PTCRA: variants seen among roughly 807,000 people sequenced by gnomAD.
PTCRA encodes pre T-cell antigen receptor alpha.
A neutral mutation model predicts 13.4 loss-of-function variants in PTCRA; 9 were observed. That is an observed-to-expected ratio of 0.67 (90% CI 0.41 to 1.18). The LOEUF is 1.18. PTCRA is among the 50% of genes most tolerant of loss of function. PTCRA has a pLI of 0.01. For missense variants in PTCRA, 353 were observed against 359.8 expected (o/e 0.98, Z 0.15); for synonymous variants, 153 against 161.9 (o/e 0.94, Z 0.42).
At chr6:42,924,969 TAAA>T (rs11343543) in intron 3 of PTCRA, among the ~76,000 whole-genome samples, 2 of 144,926 alleles carry the variant, frequency 1.4e-5, no homozygotes, top group Non-Finnish European at 1.5e-5. Flanking sequence ...AGACTCCATC[TAAA>T]AAAAAAAAAA....
intron 2 of PTCRA, 81 bp from the exon 3 acceptor site, chr6:42,924,148 G>C (rs1046796107): frequency 2.4e-6 from 3 of 1,270,868 alleles, no homozygotes; most frequent in African/African-American, 1.5e-5. Flanking sequence ...CCTGTGCCAG[G>C]GCCTGGGCAT....
At position 42,925,382 on chromosome 6, in the gene PTCRA, C is replaced by T. The variant is rs759156804; in HGVS notation, c.546C>T (p.Pro182=). Residue 182 remains proline, a synonymous_variant, in exon 4 of 4, where the codon CCC becomes CCT. Coordinates refer to ENST00000304672, the MANE Select transcript of PTCRA (RefSeq NM_138296.3). This position sits in a 1 kb window ranked among gnomAD's most constrained non-coding sequence, Gnocchi z 4.4. ...ACCCCGCGGGCCCGCTGCCTTCCCC[C>T]GCAACCACCACCCGCCTGCGAGCCC... is the stretch of plus-strand genomic sequence containing the variant. ...LCDPAGPLPS[P]ATTTRLRALG... is the part of the protein sequence containing the mutation. The T allele has an allele frequency of 1.2e-5, 19 of 1,554,988 alleles. No individual in the cohort carries two copies. Among genetic ancestry groups the T allele is most frequent in the African/African-American group, 4.1e-5 (3 of 73,292 alleles).
intron 1 of PTCRA, among the ~76,000 whole-genome samples, chr6:42,918,506 G>A (rs911979840): frequency 6.6e-6 from 1 of 152,004 alleles, no homozygotes; most frequent in African/African-American, 2.4e-5. Context: ...AGTGAACAGA[G>A]ATCCTGCCAC....
At chr6:42,920,367 A>T (rs1264979021) in intron 1 of PTCRA, among the ~76,000 whole-genome samples, 1 of 151,880 alleles carries the variant, frequency 6.6e-6, no homozygotes, top group Non-Finnish European at 1.5e-5. Context: ...GGAAATAGGG[A>T]TTATTTTGGA....
chr6:42,917,589 G>A (rs1161638552), intron 1 of PTCRA, among the ~76,000 whole-genome samples: 1 of 147,758 alleles, frequency 6.8e-6, no homozygotes, highest in East Asian at 2.0e-4. Context: ...TTGCTCTGTT[G>A]CCCAGATTGG....
intron 3 of PTCRA, 57 bp downstream of exon 3, chr6:42,924,330 C>T (rs537000155): frequency 1.0e-4 from 154 of 1,519,390 alleles, no homozygotes; most frequent in Non-Finnish European, 1.2e-4. Context: ...ACCTTGGGCC[C>T]GGGGGGTGGG....
At chr6:42,920,909 C>T (rs1463355673) in intron 1 of PTCRA, among the ~76,000 whole-genome samples, 2 of 151,194 alleles carry the variant, frequency 1.3e-5, no homozygotes, top group African/African-American at 4.9e-5. Context: ...ATTCTTGTGC[C>T]TCAGTCTCCA....
At chr6:42,923,748 C>G (rs1193473376) in intron 2 of PTCRA, among the ~76,000 whole-genome samples, 1 of 152,164 alleles carries the variant, frequency 6.6e-6, no homozygotes, top group Non-Finnish European at 1.5e-5. Context: ...TGAGACAGGT[C>G]ATATAATTCC....
intron 1 of PTCRA, among the ~76,000 whole-genome samples, chr6:42,922,752 A>C (rs1225965564): frequency 7.3e-6 from 1 of 137,554 alleles, no homozygotes; most frequent in Admixed American, 6.9e-5. Context: ...AAAAAAAAAA[A>C]AGAAAGAAAG....
At position 42,916,451 on chromosome 6, in the gene PTCRA, A is replaced by G. The variant is rs116692110; in HGVS notation, c.58+324A>G. On this transcript the variant is annotated intron_variant, in intron 1 of 3. Coordinates refer to ENST00000304672, the MANE Select transcript of PTCRA (RefSeq NM_138296.3). ...AGAGAAATGAGAACAAACTGGATGG[A>G]CATCCATAGAAGGTGGGGTTAGGGT... is the stretch of plus-strand genomic sequence containing the variant. Among the ~76,000 whole-genome samples the G allele has an allele frequency of 6.4e-3, 974 of 152,314 alleles. 11 individuals carry two copies. Among genetic ancestry groups the G allele is most frequent in the African/African-American group, 0.02 (849 of 41,568 alleles).
chr6:42,923,379 T>C (rs1767284036), intron 2 of PTCRA, 32 bp downstream of exon 2: 1 of 1,594,322 alleles, frequency 6.3e-7, no homozygotes, highest in African/African-American at 1.3e-5. Context: ...TTGCGGATGC[T>C]CCCTGTCCCC....
chr6:42,923,348 G>A lies in PTCRA; in HGVS notation c.379+1G>A. On this transcript the variant is annotated splice_donor_variant, in intron 2 of 3. Transcript: ENST00000304672. LOFTEE classifies it high-confidence loss of function. ...AGTACACAGCCCATGCATCTGTCAG[G>A]TGGGGATGGAGCCTGGGCCCTTGCG... is the stretch of plus-strand genomic sequence containing the variant. 1 of 1,613,704 alleles carries A rather than the reference G, an allele frequency of 6.2e-7. No individual in the cohort carries two copies. Among genetic ancestry groups the A allele is most frequent in the Middle Eastern group, 1.7e-4 (1 of 5,952 alleles).
intron 1 of PTCRA, chr6:42,922,201 T>C: frequency 1.4e-6 from 1 of 702,128 alleles, no homozygotes; most frequent in East Asian, 2.7e-5. Flanking sequence ...TTGAAGCCCC[T>C]TCTAATCTCA....
At chr6:42,921,382 G>A (rs1037606235) in intron 1 of PTCRA, among the ~76,000 whole-genome samples, 8 of 146,538 alleles carry the variant, frequency 5.5e-5, no homozygotes, top group Non-Finnish European at 8.9e-5. Context: ...GATTACATGC[G>A]TGAGCCACCG....
rs1767391358 is a variant in PTCRA at position 42,925,476 on chromosome 6, C to T, written c.640C>T (p.Gln214Ter). The T allele has an allele frequency of 6.4e-7, 1 of 1,557,676 alleles. No homozygotes were observed. Among genetic ancestry groups the T allele is most frequent in the Non-Finnish European group, 8.7e-7 (1 of 1,150,172 alleles). ...GREATSSPRP[Q>*]PRDRRWGDTP... ...AGAGGCCACCAGCTCACCCAGACCCCAGCCTCGGGACCGCCGCTGGGGTGA... is the reference window on the plus strand; with the variant it reads ...AGAGGCCACCAGCTCACCCAGACCCTAGCCTCGGGACCGCCGCTGGGGTGA... Residue 214 changes from glutamine to a stop codon, truncating the protein, a stop_gained, in exon 4 of 4, where the codon CAG becomes TAG. Transcript: ENST00000304672. LOFTEE classifies it low-confidence loss of function (END_TRUNC). This position sits in a 1 kb window ranked among gnomAD's most constrained non-coding sequence, Gnocchi z 4.4.
intron 1 of PTCRA, among the ~76,000 whole-genome samples, chr6:42,917,481 C>A: frequency 6.8e-6 from 1 of 147,458 alleles, no homozygotes; most frequent in Admixed American, 6.8e-5. Context: ...CTCAGCCTCC[C>A]AAAGTGCTGG....
At chr6:42,916,650 T>C (rs1219488051) in intron 1 of PTCRA, among the ~76,000 whole-genome samples, 3 of 152,160 alleles carry the variant, frequency 2.0e-5, no homozygotes, top group Non-Finnish European at 4.4e-5. Context: ...CAAGGCCTCT[T>C]CCCAGGGTAT....
At chr6:42,916,277 G>T (rs1581676101) in intron 1 of PTCRA, 150 bp downstream of exon 1, 6 of 722,464 alleles carry the variant, frequency 8.3e-6, no homozygotes, top group East Asian at 2.8e-5. Flanking sequence ...CTGGGGAGGG[G>T]ACCTCTGGGG....
At position 42,921,804 on chromosome 6, in the gene PTCRA, C is replaced by T. The variant is rs1380387035; in HGVS notation, c.59-1223C>T. 4.1e-5 allele frequency among the ~76,000 whole-genome samples: 6 copies of T among 147,500 alleles called. No homozygotes were observed. In the South Asian group the frequency reaches 6.4e-4, roughly 16 times the overall value. Reference sequence around the variant, plus strand: ...ATCCTAGCACTTTGGGAGGCCAGGGCGGGCAGATCACCTGAGGTCAGGAGT... The same window carrying T: ...ATCCTAGCACTTTGGGAGGCCAGGGTGGGCAGATCACCTGAGGTCAGGAGT... On this transcript the variant is annotated intron_variant, in intron 1 of 3. Transcript: ENST00000304672.
Sources: gnomAD v4.1 joint callset for allele counts (sites outside exome capture counted in the v4.1 genomes callset) on GRCh38, gnomAD v4.1.1 for gene constraint, Gnocchi (gnomAD v3.1) non-coding constraint, MANE v1.5 for transcripts, NCBI Gene and HGNC (gene_info 2026-07-23, HGNC 2026-07-21) for gene names.